The following KCNAB1 variants were observed in gnomAD, a reference collection of about 807,000 sequenced individuals.
The protein encoded by KCNAB1 is potassium voltage-gated channel subfamily A regulatory beta subunit 1.
A neutral mutation model predicts 64.6 loss-of-function variants in KCNAB1; 35 were observed. The observed-to-expected ratio is 0.54, with a 90% CI of 0.41 to 0.72. The LOEUF (loss-of-function observed/expected upper bound fraction) is 0.72, where lower values mean the gene tolerates loss of function less well. Ranked by LOEUF, KCNAB1 falls within the 30% of genes least tolerant of loss-of-function variation. The probability of loss-of-function intolerance (pLI) is 0.00; values close to 1 mark genes in which losing one functional copy is unlikely to be tolerated. For synonymous variants in KCNAB1, 177 were observed against 183.8 expected, an observed-to-expected ratio of 0.96 and a Z score of 0.30; for missense variants, 401 against 512.9, an observed-to-expected ratio of 0.78 and a Z score of 2.11.
At chr3:156,268,200 A>C (rs1452795814) in intron 1 of KCNAB1, among the ~76,000 whole-genome samples, 4 of 152,116 alleles carry the variant, frequency 2.6e-5, no homozygotes, top group African/African-American at 9.7e-5. Flanking sequence ...AAATGATAGA[A>C]TCTCTTTATT....
At chr3:156,177,434 C>T (rs553284479) in intron 1 of KCNAB1, among the ~76,000 whole-genome samples, 70 of 150,024 alleles carry the variant, frequency 4.7e-4, no homozygotes, top group African/African-American at 1.5e-3. Context: ...TGGAGTGCAG[C>T]GGCGCAATCT....
chr3:156,282,943 T>G (rs1367110159), intron 1 of KCNAB1, among the ~76,000 whole-genome samples: 1 of 151,596 alleles, frequency 6.6e-6, no homozygotes. Flanking sequence ...TGTCTTTTAA[T>G]TGGAGCATTT....
chr3:156,219,695 T>TTTATTATTATTATTA (rs139168632), intron 1 of KCNAB1, among the ~76,000 whole-genome samples: 1 of 146,740 alleles, frequency 6.8e-6, no homozygotes, highest in African/African-American at 2.5e-5. Context: ...AAGGAATCTT[T>TTTATTATTATTATTA]TTATTATTAT....
intron 8 of KCNAB1, among the ~76,000 whole-genome samples, chr3:156,506,082 C>T (rs1197984862): frequency 6.6e-6 from 1 of 152,134 alleles, no homozygotes; most frequent in Non-Finnish European, 1.5e-5. Context: ...TTTTTTGTGG[C>T]TATTGTAAAT....
At chr3:156,535,054 G>A (rs1262903263) in intron 13 of KCNAB1, among the ~76,000 whole-genome samples, 1 of 151,372 alleles carries the variant, frequency 6.6e-6, no homozygotes, top group African/African-American at 2.4e-5. Flanking sequence ...CTAGGTTTTT[G>A]GTCTCATTGT....
At chr3:156,298,201 C>T (rs1720923661) in intron 1 of KCNAB1, among the ~76,000 whole-genome samples, 1 of 152,092 alleles carries the variant, frequency 6.6e-6, no homozygotes, top group East Asian at 1.9e-4. Context: ...GGGGAGGGAG[C>T]CTCCTGGAAG....
chr3:156,372,808 G>A (rs1473117814), intron 1 of KCNAB1, among the ~76,000 whole-genome samples: 1 of 152,230 alleles, frequency 6.6e-6, no homozygotes. Context: ...ATGCCAAGGT[G>A]AGGCTGTGAA....
intron 2 of KCNAB1, among the ~76,000 whole-genome samples, chr3:156,442,373 C>T (rs1291025020): frequency 6.6e-6 from 1 of 152,168 alleles, no homozygotes; most frequent in African/African-American, 2.4e-5. Context: ...ATCCTATTTC[C>T]AATGTCATTC....
chr3:156,536,347 C>T (rs894755323), intron 13 of KCNAB1, among the ~76,000 whole-genome samples: 3 of 152,180 alleles, frequency 2.0e-5, no homozygotes, highest in Non-Finnish European at 2.9e-5. Context: ...TTTCACTGTT[C>T]TTTTTAAGGT....
chr3:156,451,222 T>C (rs1322913001), intron 2 of KCNAB1, among the ~76,000 whole-genome samples: 1 of 152,218 alleles, frequency 6.6e-6, no homozygotes, highest in Non-Finnish European at 1.5e-5. Context: ...TCAACAGCAT[T>C]CTAGTCAAGC....
chr3:156,366,716 T>C (rs1209317132), intron 1 of KCNAB1, among the ~76,000 whole-genome samples: 1 of 152,236 alleles, frequency 6.6e-6, no homozygotes, highest in East Asian at 1.9e-4. Flanking sequence ...CTAAGCCATG[T>C]TTAGAGCAAT....
At chr3:156,401,647 G>A (rs1055792032) in intron 1 of KCNAB1, among the ~76,000 whole-genome samples, 4 of 152,128 alleles carry the variant, frequency 2.6e-5, no homozygotes, top group Non-Finnish European at 5.9e-5. Context: ...TTAATGGTTC[G>A]CTGCACCAAC....
chr3:156,172,429 A>T (rs1343770165), intron 1 of KCNAB1, among the ~76,000 whole-genome samples: 1 of 152,032 alleles, frequency 6.6e-6, no homozygotes, highest in Non-Finnish European at 1.5e-5. Context: ...ACAGGCATTC[A>T]CCACCACACC....
chr3:156,391,328 A>G (rs1292516819), intron 1 of KCNAB1, among the ~76,000 whole-genome samples: 1 of 152,232 alleles, frequency 6.6e-6, no homozygotes, highest in Non-Finnish European at 1.5e-5. Context: ...AAAACTTGAT[A>G]AATTCCTAAC....
chr3:156,460,167 A>G (rs931722946), intron 5 of KCNAB1: 9 of 316,456 alleles, frequency 2.8e-5, no homozygotes, highest in African/African-American at 4.3e-5. Flanking sequence ...TCTGACTGCC[A>G]TTTGTGCTAA....
At chr3:156,326,403 A>G (rs1270914603) in intron 1 of KCNAB1, among the ~76,000 whole-genome samples, 1 of 152,164 alleles carries the variant, frequency 6.6e-6, no homozygotes, top group Non-Finnish European at 1.5e-5. Flanking sequence ...GCAAATATAT[A>G]GATGTCTCAG....
intron 3 of KCNAB1, chr3:156,457,132 G>A: frequency 8.3e-6 from 8 of 960,870 alleles, no homozygotes; most frequent in Non-Finnish European, 1.0e-5. Context: ...GGCCCTCTTT[G>A]TCAGAAAGAT....
intron 1 of KCNAB1, among the ~76,000 whole-genome samples, chr3:156,370,664 A>C (rs1439237364): frequency 6.6e-6 from 1 of 150,444 alleles, no homozygotes; most frequent in Non-Finnish European, 1.5e-5. Context: ...GAGCTCCACA[A>C]TGGAGGAATT....
At chr3:156,281,610 T>A (rs1211186959) in intron 1 of KCNAB1, among the ~76,000 whole-genome samples, 1 of 152,228 alleles carries the variant, frequency 6.6e-6, no homozygotes, top group Non-Finnish European at 1.5e-5. Flanking sequence ...TCTTTTTGAT[T>A]GGTAAGCTAT....
Sources: gnomAD v4.1 joint callset for allele counts (sites outside exome capture counted in the v4.1 genomes callset) on GRCh38, gnomAD v4.1.1 for gene constraint, MANE v1.5 for transcripts, NCBI Gene and HGNC (gene_info 2026-07-23, HGNC 2026-07-21) for gene names.